Variants in LYPLA1 observed in about 807,000 individuals in gnomAD.
The protein encoded by LYPLA1 is acyl-protein thioesterase 1.
Under a neutral mutation model 34.0 loss-of-function variants are expected in LYPLA1, and 17 were observed. That is an observed-to-expected ratio of 0.50 (90% confidence interval 0.34 to 0.75). The LOEUF (loss-of-function observed/expected upper bound fraction) is 0.75. LYPLA1 is among the 30% of genes least tolerant of loss of function. LYPLA1 has a pLI of 0.01. For synonymous variants in LYPLA1, 98 were observed against 100.8 expected, an observed-to-expected ratio of 0.97 and a Z score of 0.17; for missense variants, 203 against 288.8, an observed-to-expected ratio of 0.70 and a Z score of 2.15.
intron 2 of LYPLA1, among the ~76,000 whole-genome samples, chr8:54,089,484 G>C (rs1157787534): frequency 1.6e-5 from 2 of 124,666 alleles, no homozygotes; most frequent in Admixed American, 9.0e-5. Flanking sequence ...TGTGATTTCA[G>C]ACATCCCTGG....
chr8:54,058,598 C>CTCTGTG (rs1806369563), intron 5 of LYPLA1, among the ~76,000 whole-genome samples: 1 of 151,730 alleles, frequency 6.6e-6, no homozygotes, highest in Admixed American at 6.6e-5. Context: ...CACACTCTCT[C>CTCTGTG]TCTGTGTCTC....
At chr8:54,043,041 T>A (rs1805412471), downstream of LYPLA1, 1 of 152,210 alleles carries the variant, frequency 6.6e-6, no homozygotes, top group Non-Finnish European at 1.5e-5. Context: ...AACATTTGGG[T>A]TGTATCAAAC....
chr8:54,051,873 CAG>C (rs1436726271), intron 7 of LYPLA1, among the ~76,000 whole-genome samples: 1 of 147,950 alleles, frequency 6.8e-6, no homozygotes, highest in Admixed American at 6.8e-5. Context: ...CCCCCAAAGA[CAG>C]AGTCTTGCTC....
chr8:54,084,124 G>GAAAAAAAAAAAA (rs201545035), intron 2 of LYPLA1, among the ~76,000 whole-genome samples: 16 of 56,380 alleles, frequency 2.8e-4, no homozygotes, highest in African/African-American at 1.4e-3. Context: ...GGAGACCAAA[G>GAAAAAAAAAAAA]AAAAAAAAAA....
At chr8:54,077,655 T>A (rs945579598) in intron 2 of LYPLA1, among the ~76,000 whole-genome samples, 2 of 152,008 alleles carry the variant, frequency 1.3e-5, no homozygotes, top group African/African-American at 2.4e-5. Flanking sequence ...AATAAATAAA[T>A]AAAAAGTTTA....
chr8:54,054,104 C>T (rs745699969), intron 6 of LYPLA1, among the ~76,000 whole-genome samples: 36 of 152,202 alleles, frequency 2.4e-4, no homozygotes, highest in Non-Finnish European at 4.1e-4. Flanking sequence ...CTTCAGCCTC[C>T]GGAGTAGCTG....
chr8:54,080,723 G>T (rs1436490724), intron 2 of LYPLA1, among the ~76,000 whole-genome samples: 1 of 152,134 alleles, frequency 6.6e-6, no homozygotes, highest in Admixed American at 6.5e-5. Flanking sequence ...GAGTAGCTGG[G>T]ACTACAGGCC....
chr8:54,099,595 GA>G (rs1809956800), intron 2 of LYPLA1, among the ~76,000 whole-genome samples: 1 of 152,156 alleles, frequency 6.6e-6, no homozygotes, highest in African/African-American at 2.4e-5. Context: ...CCAGAAGGTG[GA>G]GGTTGCAGTG....
intron 8 of LYPLA1, among the ~76,000 whole-genome samples, chr8:54,049,179 A>C (rs894852387): frequency 5.9e-5 from 9 of 152,134 alleles, no homozygotes; most frequent in Non-Finnish European, 1.3e-4. Flanking sequence ...TCCGTCCCTA[A>C]ATTATTTAAC....
downstream of LYPLA1, among the ~76,000 whole-genome samples, chr8:54,045,798 C>T (rs765920357): frequency 4.6e-5 from 7 of 152,236 alleles, no homozygotes; most frequent in African/African-American, 1.4e-4. Context: ...CAGTGGCTCA[C>T]GCCTATAATC....
chr8:54,091,587 AGGAAGG>A (rs1563663820), intron 2 of LYPLA1, among the ~76,000 whole-genome samples: 12,100 of 136,354 alleles, frequency 0.089, 691 homozygotes, highest in East Asian at 0.21. Flanking sequence ...AAGAAAAGGA[AGGAAGG>A]AAGGAAGGAA....
chr8:54,088,606 C>A (rs1255130625), intron 2 of LYPLA1, among the ~76,000 whole-genome samples: 1 of 152,144 alleles, frequency 6.6e-6, no homozygotes, highest in Non-Finnish European at 1.5e-5. Flanking sequence ...CAATTTGACT[C>A]CCAAGTATAT....
At chr8:54,088,787 G>A (rs935912020) in intron 2 of LYPLA1, among the ~76,000 whole-genome samples, 1 of 152,140 alleles carries the variant, frequency 6.6e-6, no homozygotes, top group Non-Finnish European at 1.5e-5. Flanking sequence ...ATATTGCCCA[G>A]GCTAGACTTG....
intron 3 of LYPLA1, among the ~76,000 whole-genome samples, chr8:54,065,069 A>G (rs184844641): frequency 4.6e-5 from 7 of 152,312 alleles, no homozygotes; most frequent in African/African-American, 1.7e-4. Context: ...TCCACAGTAC[A>G]TCAACATTGC....
At chr8:54,043,777 TCTCGAACTCCTGAC>T (rs1209793426), downstream of LYPLA1, among the ~76,000 whole-genome samples, 1 of 152,022 alleles carries the variant, frequency 6.6e-6, no homozygotes, top group African/African-American at 2.4e-5. Context: ...GTTAGGCTGG[TCTCGAACTCCTGAC>T]CTCAAGGGAT....
intron 2 of LYPLA1, 88 bp downstream of exon 2, chr8:54,100,820 G>A: frequency 9.9e-7 from 1 of 1,011,228 alleles, no homozygotes. Context: ...CCATTTTAGC[G>A]CCCTTAAACA....
intron 6 of LYPLA1, 182 bp downstream of exon 6, chr8:54,054,878 T>C (rs1193847762): frequency 8.9e-6 from 5 of 563,394 alleles, no homozygotes; most frequent in Non-Finnish European, 1.6e-5. Context: ...ATGTGTATTA[T>C]AGTTCTTTCA....
At chr8:54,060,287 G>A (rs750892500) in intron 5 of LYPLA1, among the ~76,000 whole-genome samples, 6 of 151,958 alleles carry the variant, frequency 3.9e-5, no homozygotes, top group Admixed American at 1.3e-4. Flanking sequence ...TACCATGCCC[G>A]GCTAATTTTG....
At chr8:54,086,567 AAAAAAAAAAAAG>A (rs1267903660) in intron 2 of LYPLA1, among the ~76,000 whole-genome samples, 3 of 149,108 alleles carry the variant, frequency 2.0e-5, no homozygotes, top group Non-Finnish European at 4.5e-5. Flanking sequence ...AAAAAAAAAA[AAAAAAAAAAAAG>A]ACAGCCAGGT....
Sources: gnomAD v4.1 joint callset for allele counts (sites outside exome capture counted in the v4.1 genomes callset) on GRCh38, gnomAD v4.1.1 for gene constraint, MANE v1.5 for transcripts, NCBI Gene and HGNC (gene_info 2026-07-23, HGNC 2026-07-21) for gene names.